The following KCNQ1 variants were observed in gnomAD, a reference collection of about 807,000 sequenced individuals.
KCNQ1 encodes the protein potassium voltage-gated channel subfamily Q member 1, also known as potassium voltage-gated channel subfamily KQT member 1.
KCNQ1 carries 49 observed loss-of-function variants against 72.4 expected under a neutral mutation model. The observed-to-expected ratio is 0.68, with a 90% CI of 0.54 to 0.86. The LOEUF (loss-of-function observed/expected upper bound fraction) is 0.86. Among genes scored for constraint, KCNQ1 ranks in the 40% least tolerant of loss-of-function variants. KCNQ1 has a pLI of 0.00. For missense variants in KCNQ1, 790 were observed against 945.1 expected (o/e 0.84, Z 2.15); for synonymous variants, 450 against 412.6 (o/e 1.09, Z -1.10).
chr11:2,499,762 G>A (rs114240951), intron 1 of KCNQ1, among the ~76,000 whole-genome samples: 2,817 of 152,216 alleles, frequency 0.019, 78 homozygotes, highest in African/African-American at 0.064. Flanking sequence ...TCAGCAAGAC[G>A]ATATAACAAT....
intron 1 of KCNQ1, among the ~76,000 whole-genome samples, chr11:2,485,038 A>G (rs557341974): frequency 6.6e-6 from 1 of 151,980 alleles, no homozygotes; most frequent in Non-Finnish European, 1.5e-5. Flanking sequence ...GCGCCTGTGC[A>G]TGGCGTCTGT....
At position 2,748,718 on chromosome 11, in the gene KCNQ1, C is replaced by G. The variant is rs533088233; in HGVS notation, c.1515-20126C>G. On this transcript the variant is annotated intron_variant, in intron 11 of 15. Transcript: ENST00000155840. The surrounding 1 kb of genome is among the most constrained non-coding windows in gnomAD (Gnocchi z 6.2). The stretch of plus-strand genomic sequence containing the variant: ...GGTCCAGCCAGCTGCTGCTGCCCCT[C>G]CCTCTGGGCCTCAAGACCATCTGTC... 3.3e-5 allele frequency among the ~76,000 whole-genome samples: 5 copies of G among 152,368 alleles called. No homozygotes were observed. Among genetic ancestry groups the G allele is most frequent in the South Asian group, 2.1e-4 (1 of 4,830 alleles).
rs1033243553 is a variant in KCNQ1 at position 2,451,728 on chromosome 11, T to TCTGGGAC, written c.386+6250_386+6256dup. ...GACTCCAGGACAGGCCCCTGCCCGC[T>TCTGGGAC]CTGGGACCTGGGGCCTGGGCTCTGC... is the stretch of plus-strand genomic sequence containing the variant. On this transcript the variant is annotated intron_variant, in intron 1 of 15. Coordinates refer to ENST00000155840, the MANE Select transcript of KCNQ1 (RefSeq NM_000218.3). The surrounding 1 kb of genome is among the most constrained non-coding windows in gnomAD (Gnocchi z 6.4). Among the ~76,000 whole-genome samples, 8 of 152,126 alleles carry TCTGGGAC rather than the reference T, an allele frequency of 5.3e-5. No homozygotes were observed. The highest frequency in any genetic ancestry group is 1.9e-4 in the African/African-American group (8 of 41,424).
intron 1 of KCNQ1, among the ~76,000 whole-genome samples, chr11:2,474,832 C>T (rs891845499): frequency 6.6e-6 from 1 of 152,000 alleles, no homozygotes; most frequent in African/African-American, 2.4e-5. Context: ...GTGGTGCTCA[C>T]GGTGGGGGAC....
chr11:2,758,958 C>G (rs1846345329), intron 11 of KCNQ1, among the ~76,000 whole-genome samples: 1 of 152,126 alleles, frequency 6.6e-6, no homozygotes, highest in Non-Finnish European at 1.5e-5. Context: ...GACTTCCATT[C>G]CTCGTTGCTG....
chr11:2,697,422 G>A (rs565140712), intron 11 of KCNQ1: 1 of 398,442 alleles, frequency 2.5e-6, no homozygotes, highest in East Asian at 3.6e-5. Context: ...TGACATCCTT[G>A]GCCTACTCCT....
chr11:2,536,937 C>T lies in KCNQ1; in HGVS notation c.477+8919C>T, dbSNP rs1847742253. Among the ~76,000 whole-genome samples the T allele has an allele frequency of 6.6e-6, 1 of 151,976 alleles. No individual in the cohort carries two copies. The highest frequency in any genetic ancestry group is 2.4e-5 in the African/African-American group (1 of 41,260). On this transcript the variant is annotated intron_variant, in intron 2 of 15. Transcript: ENST00000155840. The surrounding 1 kb of genome is among the most constrained non-coding windows in gnomAD (Gnocchi z 7.4). ...AGTACCCCAATCCCCCCCAGTCCCT[C>T]CCTTTACCTCACAGGGCATCCTCCC...
At chr11:2,726,224 C>T (rs959945247) in intron 11 of KCNQ1, among the ~76,000 whole-genome samples, 1 of 152,232 alleles carries the variant, frequency 6.6e-6, no homozygotes, top group Non-Finnish European at 1.5e-5. Flanking sequence ...CCCAGAGAAG[C>T]TGAGCTCGCT....
intron 15 of KCNQ1, among the ~76,000 whole-genome samples, chr11:2,801,208 T>C (rs1237611708): frequency 6.6e-6 from 1 of 152,202 alleles, no homozygotes; most frequent in Non-Finnish European, 1.5e-5. Flanking sequence ...AACAGGATAC[T>C]GGGCTCCATG....
chr11:2,634,182 T>A (rs1452544624), intron 10 of KCNQ1: 6 of 397,482 alleles, frequency 1.5e-5, no homozygotes, highest in Admixed American at 4.4e-5. Flanking sequence ...CCCTTTTTTT[T>A]ATTATACTTT....
At position 2,720,308 on chromosome 11, in the gene KCNQ1, A is replaced by G. The variant is rs113336708; in HGVS notation, c.1515-48536A>G. ...AGTGTCCTGGCAGCTCTCCTCATCCATCCTATGTGTACACTCAGGCACGTA... is the reference window on the plus strand; with the variant it reads ...AGTGTCCTGGCAGCTCTCCTCATCCGTCCTATGTGTACACTCAGGCACGTA... On this transcript the variant is annotated intron_variant, in intron 11 of 15. Transcript: ENST00000155840. The surrounding 1 kb of genome is among the most constrained non-coding windows in gnomAD (Gnocchi z 5.1). Among the ~76,000 whole-genome samples, 651 of 152,160 alleles carry G rather than the reference A, an allele frequency of 4.3e-3. 5 individuals carry two copies. The highest frequency in any genetic ancestry group is 0.015 in the African/African-American group (634 of 41,516).
At position 2,803,942 on chromosome 11, in the gene KCNQ1, G is replaced by A. The variant is rs894165644; in HGVS notation, c.1794+25905G>A. 6.6e-6 allele frequency among the ~76,000 whole-genome samples: 1 copy of A among 152,158 alleles called. No individual in the cohort carries two copies. Among genetic ancestry groups the A allele is most frequent in the African/African-American group, 2.4e-5 (1 of 41,504 alleles). ...TCCAGCCACCTGGCAGATCCCACTC[G>A]GCTCACACAGAGCCTTGGCCAGCAT... is the stretch of plus-strand genomic sequence containing the variant. On this transcript the variant is annotated intron_variant, in intron 15 of 15. Transcript: ENST00000155840. This position sits in a 1 kb window ranked among gnomAD's most constrained non-coding sequence, Gnocchi z 6.4.
chr11:2,847,349 A>G (rs1848351243), intron 15 of KCNQ1, among the ~76,000 whole-genome samples: 1 of 152,240 alleles, frequency 6.6e-6, no homozygotes, highest in South Asian at 2.1e-4. Flanking sequence ...AATGTCCCCA[A>G]GCCTGGCCTC....
rs1394480402 is a variant in KCNQ1 at position 2,816,090 on chromosome 11, G to A, written c.1795-31677G>A. On this transcript the variant is annotated intron_variant, in intron 15 of 15. Coordinates refer to ENST00000155840, the MANE Select transcript of KCNQ1 (RefSeq NM_000218.3). The surrounding 1 kb of genome is among the most constrained non-coding windows in gnomAD (Gnocchi z 6.8). The stretch of plus-strand genomic sequence containing the variant: ...GGGCTTGGGAGATCAAGAAGTCCCT[G>A]AGGAAGAGGACAGTAGCCAGGGGCA... Among the ~76,000 whole-genome samples, 1 of 152,296 alleles carries A rather than the reference G, an allele frequency of 6.6e-6. No homozygotes were observed. Among genetic ancestry groups the A allele is most frequent in the East Asian group, 1.9e-4 (1 of 5,178 alleles).
chr11:2,497,934 T>A lies in KCNQ1; in HGVS notation c.387-29994T>A, dbSNP rs1310284497. ...CTTCTAAGAGTCAAGCCTGCAGTCC[T>A]GCAGGTCTGCTGCAGTTTGCTGGAG... On this transcript the variant is annotated intron_variant, in intron 1 of 15. Transcript: ENST00000155840. This position sits in a 1 kb window ranked among gnomAD's most constrained non-coding sequence, Gnocchi z 4.5. Among the ~76,000 whole-genome samples, 2 of 152,214 alleles carry A rather than the reference T, an allele frequency of 1.3e-5. No individual in the cohort carries two copies. Among genetic ancestry groups the A allele is most frequent in the Non-Finnish European group, 2.9e-5 (2 of 68,040 alleles).
chr11:2,541,729 C>A lies in KCNQ1; in HGVS notation c.477+13711C>A, dbSNP rs1390941298. Reference sequence around the variant, plus strand: ...GTTTTTTTTTTTTTTTAAATGAGGACATCTGTTAGACCACTTAGGAGTTCT... The same window carrying A: ...GTTTTTTTTTTTTTTTAAATGAGGAAATCTGTTAGACCACTTAGGAGTTCT... On this transcript the variant is annotated intron_variant, in intron 2 of 15. Coordinates refer to ENST00000155840, the MANE Select transcript of KCNQ1 (RefSeq NM_000218.3). The surrounding 1 kb of genome is among the most constrained non-coding windows in gnomAD (Gnocchi z 4.8). Among the ~76,000 whole-genome samples the A allele has an allele frequency of 1.3e-5, 2 of 148,910 alleles. No homozygotes were observed. Among genetic ancestry groups the A allele is most frequent in the Non-Finnish European group, 3.0e-5 (2 of 67,602 alleles).
rs962254185 is a variant in KCNQ1 at position 2,641,982 on chromosome 11, G to C, written c.1394-19979G>C. On this transcript the variant is annotated intron_variant, in intron 10 of 15. Transcript: ENST00000155840. ...CTTCCAGGTTCTACTCTGTTCCATT[G>C]GTCTATCAGTTTTTATTCCAATACC... is the stretch of plus-strand genomic sequence containing the variant. 1.3e-5 allele frequency: 5 copies of C among 398,156 alleles called. No homozygotes were observed. In the South Asian group the frequency reaches 6.4e-4, roughly 51 times the overall value. 24.7% of individuals were successfully genotyped at this position (398,156 alleles called of 1,614,324 possible).
intron 2 of KCNQ1, among the ~76,000 whole-genome samples, chr11:2,530,468 G>A (rs1460571217): frequency 6.6e-6 from 1 of 152,236 alleles, no homozygotes; most frequent in Non-Finnish European, 1.5e-5. Flanking sequence ...TGAGAGCCGC[G>A]CTGCCAAACA....
intron 11 of KCNQ1, among the ~76,000 whole-genome samples, chr11:2,755,050 G>A (rs1013395491): frequency 2.0e-5 from 3 of 152,176 alleles, no homozygotes; most frequent in Non-Finnish European, 2.9e-5. Flanking sequence ...GCTGGAGGGC[G>A]TCATTAGGGC....
Sources: gnomAD v4.1 joint callset for allele counts (sites outside exome capture counted in the v4.1 genomes callset) on GRCh38, gnomAD v4.1.1 for gene constraint, Gnocchi (gnomAD v3.1) non-coding constraint, MANE v1.5 for transcripts, NCBI Gene and HGNC (gene_info 2026-07-23, HGNC 2026-07-21) for gene names.